Variants in CDH24 observed in about 807,000 individuals in gnomAD.
The protein encoded by CDH24 is cadherin-24.
In CDH24, 61 loss-of-function variants were observed where a neutral mutation model predicts 71.2. The ratio of observed to expected loss-of-function variants is 0.86; its 90% CI spans 0.70 to 1.06. The LOEUF (loss-of-function observed/expected upper bound fraction) is 1.06. Ranked by LOEUF, CDH24 falls within the 50% of genes least tolerant of loss-of-function variation. The pLI is 0.00. For missense variants in CDH24, 961 were observed against 1,083.7 expected (o/e 0.89, Z 1.59); for synonymous variants, 440 against 470.2 (o/e 0.94, Z 0.83).
intron 11 of CDH24, among the ~76,000 whole-genome samples, chr14:23,048,737 G>A (rs967637290): frequency 2.0e-5 from 3 of 152,208 alleles, no homozygotes; most frequent in African/African-American, 7.2e-5. Flanking sequence ...ACTTCTAAGG[G>A]TTGTTGACAT....
intron 8 of CDH24, 79 bp downstream of exon 8, chr14:23,052,394 A>C: frequency 6.6e-7 from 1 of 1,509,038 alleles, no homozygotes; most frequent in African/African-American, 1.4e-5. Flanking sequence ...GGCAGTTAGC[A>C]CCCTTCTCCA....
At chr14:23,052,138 G>A (rs940730938) in intron 8 of CDH24, 2 of 990,108 alleles carry the variant, frequency 2.0e-6, no homozygotes, top group Non-Finnish European at 3.1e-6. Context: ...TGGGGGCTAT[G>A]TAAGGTCTAG....
In CDH24 at chr14:23,051,892, G is replaced by A. The variant is rs1204932022; in HGVS notation, c.1363+581C>T. On this transcript the variant is annotated intron_variant, in intron 8 of 12. Transcript: ENST00000487137. This position sits in a 1 kb window ranked among gnomAD's most constrained non-coding sequence, Gnocchi z 4.4. ...GGGCTGCCCAGAGGCAGCTGAACCC[G>A]CTGCTGGCCTGACTGATGGGGGAGA... 2.1e-5 allele frequency: 17 copies of A among 805,160 alleles called. No homozygotes were observed. The highest frequency in any genetic ancestry group is 3.1e-5 in the Non-Finnish European group (16 of 511,880). 49.9% of individuals were successfully genotyped at this position (805,160 alleles called of 1,614,324 possible). A position where few individuals can be genotyped will look rare whatever the true frequency, so the allele number is the denominator to read the frequency against.
In CDH24 at chr14:23,048,428, A is replaced by G. The variant is rs1331819736; in HGVS notation, c.1898T>C (p.Met633Thr). ...TCGGACGTCCTCCTCCTCCAGTACC[A>G]TCAGTGCTTCTTGCTTCTGCCGCCG... is the stretch of plus-strand genomic sequence containing the variant. ...ALRRQKQEAL[M>T]VLEEEDVREN... The change falls in exon 12 of 13, where the codon ATG becomes ACG. Residue 633 changes from methionine to threonine, a missense_variant. Physicochemically the swap from Met to Thr is moderately conservative, Grantham distance 81. This residue lies in a region of CDH24 where 290 missense variants were observed against 272.8 expected (regional missense o/e 1.06). Transcript: ENST00000487137. 1 of 1,612,040 alleles carries G rather than the reference A, an allele frequency of 6.2e-7. No individual in the cohort carries two copies.
In CDH24 at chr14:23,054,458, G is replaced by A. The variant is rs2047109529; in HGVS notation, c.784+48C>T. ...GGGAAGGTTTCTCCAGACACTGTAGGGGTGGGGTGATCAAAGGATGGCTCA... is the reference window on the plus strand; with the variant it reads ...GGGAAGGTTTCTCCAGACACTGTAGAGGTGGGGTGATCAAAGGATGGCTCA... On this transcript the variant is annotated intron_variant, in intron 5 of 12. Coordinates refer to ENST00000487137, the MANE Select transcript of CDH24 (RefSeq NM_144985.4). This position sits in a 1 kb window ranked among gnomAD's most constrained non-coding sequence, Gnocchi z 5.2. 1 of 1,591,684 alleles carries A rather than the reference G, an allele frequency of 6.3e-7. No homozygotes were observed. The highest frequency in any genetic ancestry group is 8.6e-7 in the Non-Finnish European group (1 of 1,166,770).
Position 23,047,947 on chromosome 14 carries a change from C to CA in CDH24, c.*32_*33insT. ...CTCAGAGGGCCTGTGCCCGCTGCCCCCCCCCCGCGGTGGGCCGGGCCAGCC... is the reference window on the plus strand; with the variant it reads ...CTCAGAGGGCCTGTGCCCGCTGCCCCACCCCCCGCGGTGGGCCGGGCCAGCC... On this transcript the variant is annotated 3_prime_UTR_variant, in exon 12 of 13. Coordinates refer to ENST00000487137, the MANE Select transcript of CDH24 (RefSeq NM_144985.4). The CA allele has an allele frequency of 7.8e-7, 1 of 1,288,292 alleles. No homozygotes were observed. The highest frequency in any genetic ancestry group is 2.3e-5 in the South Asian group (1 of 43,956). 79.8% of individuals were successfully genotyped at this position (1,288,292 alleles called of 1,614,324 possible). A position where few individuals can be genotyped will look rare whatever the true frequency, so the allele number is the denominator to read the frequency against.
chr14:23,048,233 C>CCGG lies in CDH24; in HGVS notation c.2090_2092dup (p.Pro697_Gly698insAla). ...CAGGAGCTGCGCCACGTCGGCGGGGCCGGGGGGTCTGGGCTGGCGCGACAC... is the reference window on the plus strand; with the variant it reads ...CAGGAGCTGCGCCACGTCGGCGGGGCCGGCGGGGGGTCTGGGCTGGCGCGACAC... On this transcript the variant is annotated inframe_insertion, in exon 12 of 13. Coordinates refer to ENST00000487137, the MANE Select transcript of CDH24 (RefSeq NM_144985.4). 7.5e-7 allele frequency: 1 copy of CCGG among 1,327,948 alleles called. No homozygotes were observed. Among genetic ancestry groups the CCGG allele is most frequent in the Non-Finnish European group, 9.6e-7 (1 of 1,041,842 alleles). 82.3% of individuals were successfully genotyped at this position (1,327,948 alleles called of 1,614,324 possible). A position where few individuals can be genotyped will look rare whatever the true frequency, so the allele number is the denominator to read the frequency against.
intron 8 of CDH24, 135 bp from the exon 9 acceptor site, chr14:23,050,078 G>T: frequency 8.1e-7 from 1 of 1,236,758 alleles, no homozygotes; most frequent in Non-Finnish European, 1.1e-6. Context: ...TGCATGTAAT[G>T]TACAGGTAGA....
Position 23,052,457 on chromosome 14 carries a change from G to A in CDH24, c.1363+16C>T. On this transcript the variant is annotated intron_variant, in intron 8 of 12. Transcript: ENST00000487137. ...CCAGGAGGCTGCTGCCGCCTTGTGG[G>A]CCCTGGAGTCCTCACCGAGCTCTGT... is the stretch of plus-strand genomic sequence containing the variant. 2 of 1,613,118 alleles carry A rather than the reference G, an allele frequency of 1.2e-6. No homozygotes were observed. The highest frequency in any genetic ancestry group is 1.7e-6 in the Non-Finnish European group (2 of 1,179,838).
chr14:23,053,516 G>A lies in CDH24; in HGVS notation c.1206C>T (p.Asp402=), dbSNP rs1000554642. The A allele has an allele frequency of 1.9e-6, 3 of 1,585,804 alleles. No individual in the cohort carries two copies. Among genetic ancestry groups the A allele is most frequent in the Non-Finnish European group, 1.7e-6 (2 of 1,159,428 alleles). The change falls in exon 7 of 13, where the codon GAC becomes GAT. Residue 402 remains aspartate, a synonymous_variant. Transcript: ENST00000487137. ...CCTACCTGATTGGGCTGGCAGGGGA[G>A]TCCAGGTCAGCCGCGGAGATCTGGC... ...LVGQISAADL[D]SPASPIRYSI...
At chr14:23,048,638 G>T (rs1055208455) in intron 11 of CDH24, among the ~76,000 whole-genome samples, 159 bp from the exon 12 acceptor site, 2 of 152,198 alleles carry the variant, frequency 1.3e-5, no homozygotes, top group Non-Finnish European at 2.9e-5. Context: ...GCCCTTACTC[G>T]CTATGTGACC....
At chr14:23,052,791 C>T (rs554615851) in intron 7 of CDH24, among the ~76,000 whole-genome samples, 182 bp from the exon 8 acceptor site, 25 of 152,218 alleles carry the variant, frequency 1.6e-4, no homozygotes, top group Admixed American at 1.6e-3. Flanking sequence ...CACCATTAAA[C>T]ACCTGTTAAG....
Position 23,054,901 on chromosome 14 carries a change from C to G in CDH24, c.497-35G>C. ...ATGCCAGCACGCCATTCAGCAGCAGCAGGGAAGGATGGGGAAGAACAACCG... is the reference window on the plus strand; with the variant it reads ...ATGCCAGCACGCCATTCAGCAGCAGGAGGGAAGGATGGGGAAGAACAACCG... On this transcript the variant is annotated intron_variant, in intron 3 of 12. Coordinates refer to ENST00000487137, the MANE Select transcript of CDH24 (RefSeq NM_144985.4). This position sits in a 1 kb window ranked among gnomAD's most constrained non-coding sequence, Gnocchi z 5.2. The G allele has an allele frequency of 1.9e-6, 3 of 1,606,552 alleles. No homozygotes were observed. Among genetic ancestry groups the G allele is most frequent in the Non-Finnish European group, 2.5e-6 (3 of 1,178,126 alleles).
At chr14:23,050,844 G>A (rs773896366) in intron 8 of CDH24, among the ~76,000 whole-genome samples, 40 of 152,200 alleles carry the variant, frequency 2.6e-4, no homozygotes, top group Non-Finnish European at 4.4e-4. Flanking sequence ...GGGGAAAGGG[G>A]CTGAGGATGC....
At position 23,054,914 on chromosome 14, in the gene CDH24, G is replaced by T; in HGVS notation, c.497-48C>A. Reference sequence around the variant, plus strand: ...ATTCAGCAGCAGCAGGGAAGGATGGGGAAGAACAACCGATGGGGGGGGATG... The same window carrying T: ...ATTCAGCAGCAGCAGGGAAGGATGGTGAAGAACAACCGATGGGGGGGGATG... On this transcript the variant is annotated intron_variant, in intron 3 of 12. Coordinates refer to ENST00000487137, the MANE Select transcript of CDH24 (RefSeq NM_144985.4). The surrounding 1 kb of genome is among the most constrained non-coding windows in gnomAD (Gnocchi z 5.2). 6.3e-7 allele frequency: 1 copy of T among 1,595,222 alleles called. No individual in the cohort carries two copies. Among genetic ancestry groups the T allele is most frequent in the South Asian group, 1.1e-5 (1 of 90,304 alleles).
chr14:23,056,101 G>C (rs991606815), intron 1 of CDH24, among the ~76,000 whole-genome samples: 3 of 152,208 alleles, frequency 2.0e-5, no homozygotes, highest in Admixed American at 2.0e-4. Flanking sequence ...AGGAACACAG[G>C]AGAGGGGATG....
chr14:23,056,370 A>C (rs2047129961), intron 1 of CDH24, among the ~76,000 whole-genome samples: 1 of 152,232 alleles, frequency 6.6e-6, no homozygotes, highest in Non-Finnish European at 1.5e-5. Flanking sequence ...CCACGCTGCC[A>C]GTGCAGTCCT....
rs768594265 is a variant in CDH24 at position 23,053,559 on chromosome 14, G to A, written c.1163C>T (p.Ala388Val). ...GATCTGGCCTACCAGGGTCCCCGGG[G>A]CCTTGTTCTCAGGCACTGTCAGGTG... ...AYHLTVPENK[A>V]PGTLVGQISA... Residue 388 changes from alanine to valine, a missense_variant, in exon 7 of 13, where the codon GCC (alanine) becomes GTC (valine). By Grantham distance (64) the Ala-to-Val change is moderately conservative. Around this residue, in one of 2 missense-constraint regions of CDH24, gnomAD observed 671 missense variants for 810.9 expected, o/e 0.83. Coordinates refer to ENST00000487137, the MANE Select transcript of CDH24 (RefSeq NM_144985.4). The A allele has an allele frequency of 4.3e-6, 7 of 1,610,738 alleles. No homozygotes were observed. The African/African-American group carries it at 6.7e-5, about 15-fold the overall frequency.
chr14:23,055,458 T>C lies in CDH24; in HGVS notation c.201+75A>G. 6.3e-7 allele frequency: 1 copy of C among 1,593,066 alleles called. No homozygotes were observed. The highest frequency in any genetic ancestry group is 8.6e-7 in the Non-Finnish European group (1 of 1,166,972). On this transcript the variant is annotated intron_variant, in intron 2 of 12. Coordinates refer to ENST00000487137, the MANE Select transcript of CDH24 (RefSeq NM_144985.4). This position sits in a 1 kb window ranked among gnomAD's most constrained non-coding sequence, Gnocchi z 4.1. ...GGGAGTCCTGAGGGACCAAGGTCAT[T>C]GCAGAAGTGATGAAGTTGCAGGGCA...
Sources: allele counts gnomAD v4.1 joint callset (sites outside exome capture counted in the v4.1 genomes callset), GRCh38; gene constraint gnomAD v4.1.1; regional missense constraint gnomAD v4.1.1; non-coding constraint Gnocchi (gnomAD v3.1); transcripts MANE v1.5; gene names NCBI Gene and HGNC (gene_info 2026-07-23, HGNC 2026-07-21).